The following ANKRD26 variants were observed in gnomAD, a reference collection of about 807,000 sequenced individuals.
The protein encoded by ANKRD26 is ankyrin repeat domain-containing protein 26.
Under a neutral mutation model 208.7 loss-of-function variants are expected in ANKRD26, and 141 were observed. The observed-to-expected ratio is 0.68, with a 90% CI of 0.59 to 0.78. The LOEUF (loss-of-function observed/expected upper bound fraction) is 0.78. Ranked by LOEUF, ANKRD26 falls within the 30% of genes least tolerant of loss-of-function variation. The pLI is 0.00. For synonymous variants in ANKRD26, 636 were observed against 660.4 expected (o/e 0.96, Z 0.57); for missense variants, 1,889 against 1,938.7 (o/e 0.97, Z 0.48).
intron 1 of ANKRD26, among the ~76,000 whole-genome samples, chr10:27,096,744 A>G (rs1033648129): frequency 1.4e-5 from 2 of 147,142 alleles, no homozygotes; most frequent in African/African-American, 5.1e-5. Flanking sequence ...CCAGCCCAGG[A>G]GACAGAGCGA....
At chr10:26,997,868 A>G (rs2052629738) in intron 4 of ANKRD26, among the ~76,000 whole-genome samples, 1 of 152,180 alleles carries the variant, frequency 6.6e-6, no homozygotes, top group Admixed American at 6.5e-5. Flanking sequence ...TCACTGATAA[A>G]TAGCATGGGC....
downstream of ANKRD26, among the ~76,000 whole-genome samples, chr10:26,990,382 A>C (rs2052464605): frequency 1.3e-5 from 2 of 152,160 alleles, no homozygotes; most frequent in South Asian, 4.1e-4. Flanking sequence ...AAAAAAAGGA[A>C]AACTAAATTT....
chr10:27,081,798 C>T (rs540247884), intron 6 of ANKRD26, among the ~76,000 whole-genome samples: 8 of 151,566 alleles, frequency 5.3e-5, no homozygotes, highest in South Asian at 4.2e-4. Flanking sequence ...AGTGCAGTGG[C>T]GCAATCTCGG....
At chr10:27,099,853 T>C (rs2056589519) in intron 1 of ANKRD26, among the ~76,000 whole-genome samples, 1 of 90,422 alleles carries the variant, frequency 1.1e-5, no homozygotes, top group Non-Finnish European at 2.2e-5. Flanking sequence ...AATTGTCACT[T>C]AAGTGCTCTC....
chr10:26,997,207 A>G (rs1340423041), intron 4 of ANKRD26, among the ~76,000 whole-genome samples: 1 of 152,184 alleles, frequency 6.6e-6, no homozygotes, highest in Non-Finnish European at 1.5e-5. Flanking sequence ...AAACCTGACA[A>G]AACTGTAAGG....
At chr10:27,021,759 T>G (rs2053497982) in intron 29 of ANKRD26, among the ~76,000 whole-genome samples, 1 of 152,202 alleles carries the variant, frequency 6.6e-6, no homozygotes, top group Non-Finnish European at 1.5e-5. Flanking sequence ...TGAGATGGTA[T>G]CTTGTTGTGG....
chr10:27,092,059 T>C (rs1292256453), intron 4 of ANKRD26, among the ~76,000 whole-genome samples: 1 of 151,990 alleles, frequency 6.6e-6, no homozygotes, highest in Admixed American at 6.6e-5. Flanking sequence ...GAAACCTCTT[T>C]AGCTAACAGA....
downstream of ANKRD26, among the ~76,000 whole-genome samples, chr10:26,969,724 T>A (rs897134369): frequency 6.6e-6 from 1 of 152,180 alleles, no homozygotes; most frequent in African/African-American, 2.4e-5. Flanking sequence ...ATGCATTTTT[T>A]TTCTTCTGTA....
chr10:27,062,708 T>C (rs2055101777), intron 12 of ANKRD26, among the ~76,000 whole-genome samples: 1 of 152,186 alleles, frequency 6.6e-6, no homozygotes, highest in South Asian at 2.1e-4. Context: ...TACTCTCTTC[T>C]TTCCAATTCT....
chr10:27,053,266 C>A, intron 16 of ANKRD26, 54 bp downstream of exon 16: 1 of 1,284,214 alleles, frequency 7.8e-7, no homozygotes, highest in South Asian at 1.2e-5. Context: ...TATGTTACAT[C>A]ATTAAAGCAA....
chr10:27,028,893 T>C lies in ANKRD26; in HGVS notation c.3931A>G (p.Lys1311Glu). Residue 1311 changes from lysine to glutamate, a missense_variant, in exon 27 of 34, where the codon AAA (lysine) becomes GAA (glutamate). This residue lies in a region of ANKRD26 where 613 missense variants were observed against 648.2 expected (regional missense o/e 0.95). Coordinates refer to ENST00000376087, the MANE Select transcript of ANKRD26 (RefSeq NM_014915.3). ...AGGTTTTTCTGAAGCTCCTCAATTT[T>C]GTCCATTTGCTTTTTGACTGTAACT... ...LKVTVKKQMD[K>E]IEELQKNLLN... is the part of the protein sequence containing the mutation. The C allele has an allele frequency of 1.2e-6, 2 of 1,613,420 alleles. No individual in the cohort carries two copies. Among genetic ancestry groups the C allele is most frequent in the Non-Finnish European group, 1.7e-6 (2 of 1,179,638 alleles).
Position 27,046,443 on chromosome 10 carries a change from G to A in ANKRD26, c.1895C>T (p.Pro632Leu). 6.2e-7 allele frequency: 1 copy of A among 1,613,944 alleles called. No homozygotes were observed. Among genetic ancestry groups the A allele is most frequent in the South Asian group, 1.1e-5 (1 of 91,068 alleles). ...TAGTAAACTGGCCTTCCCAAACACT[G>A]GTGAATTCACAGATTCTTTCGAGGT... is the stretch of plus-strand genomic sequence containing the variant. Reference protein sequence around the residue: ...KRTSKESVNSPVFGKASLLTG... With the variant: ...KRTSKESVNSLVFGKASLLTG... The change falls in exon 18 of 34, where the codon CCA becomes CTA. Residue 632 changes from proline (P) to leucine (L), a missense_variant. Transcript: ENST00000376087.
At chr10:27,067,706 C>T (rs986178758) in intron 9 of ANKRD26, among the ~76,000 whole-genome samples, 1 of 152,156 alleles carries the variant, frequency 6.6e-6, no homozygotes, top group Admixed American at 6.5e-5. Flanking sequence ...TGGTGCTAAA[C>T]CATTCACTAG....
chr10:27,026,930 G>A (rs1399721724), intron 27 of ANKRD26, among the ~76,000 whole-genome samples: 3 of 151,960 alleles, frequency 2.0e-5, no homozygotes, highest in South Asian at 2.1e-4. Context: ...GGATTACAGG[G>A]GCCTGCCATC....
chr10:26,987,501 A>T (rs1254755809), downstream of ANKRD26, among the ~76,000 whole-genome samples: 1 of 152,216 alleles, frequency 6.6e-6, no homozygotes, highest in African/African-American at 2.4e-5. Context: ...ACCACGGCAT[A>T]GCCTGTTCTA....
chr10:26,983,225 T>G (rs2052335030), intron 3 of ANKRD26, among the ~76,000 whole-genome samples: 1 of 152,140 alleles, frequency 6.6e-6, no homozygotes, highest in African/African-American at 2.4e-5. Context: ...TATCTATTTG[T>G]GGTATAAAGA....
intron 5 of ANKRD26, among the ~76,000 whole-genome samples, chr10:26,993,850 A>G (rs2052532459): frequency 6.6e-6 from 1 of 152,200 alleles, no homozygotes; most frequent in Non-Finnish European, 1.5e-5. Context: ...GCATCTTTTT[A>G]TAATCTGTCT....
intron 4 of ANKRD26, among the ~76,000 whole-genome samples, chr10:26,981,867 CTG>C (rs1468081058): frequency 3.3e-5 from 5 of 152,284 alleles, no homozygotes; most frequent in African/African-American, 1.2e-4. Context: ...CTACCTGAAT[CTG>C]TGTGGCAGGG....
intron 18 of ANKRD26, among the ~76,000 whole-genome samples, chr10:27,045,527 AAT>A (rs2054411563): frequency 6.6e-6 from 1 of 152,192 alleles, no homozygotes; most frequent in Non-Finnish European, 1.5e-5. Context: ...ATCTAAAAGT[AAT>A]AGTCTGTGAT....
Sources: allele counts gnomAD v4.1 joint callset (sites outside exome capture counted in the v4.1 genomes callset), GRCh38; gene constraint gnomAD v4.1.1; regional missense constraint gnomAD v4.1.1; transcripts MANE v1.5; gene names NCBI Gene and HGNC (gene_info 2026-07-23, HGNC 2026-07-21).